The following HECW2 variants were observed in gnomAD, a reference collection of about 807,000 sequenced individuals.
The protein encoded by HECW2 is E3 ubiquitin-protein ligase HECW2.
Under a neutral mutation model 175.2 loss-of-function variants are expected in HECW2, and 61 were observed. The observed-to-expected ratio is 0.35, with a 90% CI of 0.28 to 0.43. The LOEUF is 0.43. Among genes scored for constraint, HECW2 ranks in the 20% least tolerant of loss-of-function variants. The probability of loss-of-function intolerance (pLI) is 1.00; values close to 1 mark genes in which losing one functional copy is unlikely to be tolerated. For missense variants in HECW2, 1,524 were observed against 2,000.5 expected (o/e 0.76, Z 4.54); for synonymous variants, 671 against 731.0 (o/e 0.92, Z 1.32).
At chr2:196,529,259 TA>T (rs1688765962) in intron 1 of HECW2, among the ~76,000 whole-genome samples, 1 of 152,240 alleles carries the variant, frequency 6.6e-6, no homozygotes, top group Non-Finnish European at 1.5e-5. Context: ...GGGAATATGG[TA>T]ACATATTTCA....
chr2:196,399,223 A>T (rs940418169), intron 2 of HECW2, among the ~76,000 whole-genome samples: 13 of 151,458 alleles, frequency 8.6e-5, no homozygotes, highest in Non-Finnish European at 1.5e-5. Flanking sequence ...TTGGAGGCTA[A>T]TTTTTTCCCC....
At chr2:196,263,195 A>T (rs1341553202) in intron 17 of HECW2, 1 of 152,228 alleles carries the variant, frequency 6.6e-6, no homozygotes, top group Non-Finnish European at 1.5e-5. Context: ...CTATACAGCG[A>T]CAAACTCAGG....
chr2:196,233,712 G>C (rs551893017), intron 21 of HECW2, among the ~76,000 whole-genome samples: 19 of 152,288 alleles, frequency 1.2e-4, no homozygotes, highest in African/African-American at 4.6e-4. Context: ...TCTTTAGAAA[G>C]GTTTGGGTAA....
chr2:196,222,434 AAT>A, intron 23 of HECW2, 94 bp from the exon 24 acceptor site: 1 of 1,198,086 alleles, frequency 8.3e-7, no homozygotes, highest in Admixed American at 2.2e-5. Flanking sequence ...TAAAGAGAAG[AAT>A]AAGAGCCACT....
At chr2:196,420,671 T>C (rs1471423927) in intron 2 of HECW2, among the ~76,000 whole-genome samples, 1 of 152,222 alleles carries the variant, frequency 6.6e-6, no homozygotes, top group East Asian at 1.9e-4. Flanking sequence ...ATGCAACATT[T>C]TTTGTATGTA....
At position 196,355,664 on chromosome 2, in the gene HECW2, A is replaced by T. The variant is rs529163966; in HGVS notation, c.293-11900T>A. Among the ~76,000 whole-genome samples, 4 of 152,334 alleles carry T rather than the reference A, an allele frequency of 2.6e-5. No individual in the cohort carries two copies. In the South Asian group the frequency reaches 8.3e-4, roughly 32 times the overall value. On this transcript the variant is annotated intron_variant, in intron 2 of 28. Coordinates refer to ENST00000644978, the MANE Select transcript of HECW2 (RefSeq NM_001348768.2). ...AAATGAAATTTACAAAAATTCATTCAACAAATATTTATTGAGCATCTACTA... is the reference window on the plus strand; with the variant it reads ...AAATGAAATTTACAAAAATTCATTCTACAAATATTTATTGAGCATCTACTA...
chr2:196,353,217 G>C (rs186579681), intron 2 of HECW2, among the ~76,000 whole-genome samples: 1 of 152,034 alleles, frequency 6.6e-6, no homozygotes, highest in South Asian at 2.1e-4. Context: ...AACTTTCCCC[G>C]AGATACTGTT....
At position 196,242,209 on chromosome 2, in the gene HECW2, A is replaced by G. The variant is rs1184155533; in HGVS notation, c.3530-5T>C. 2 of 1,614,158 alleles carry G rather than the reference A, an allele frequency of 1.2e-6. No homozygotes were observed. The highest frequency in any genetic ancestry group is 1.7e-6 in the Non-Finnish European group (2 of 1,180,012). On this transcript the variant is annotated splice_region_variant and splice_polypyrimidine_tract_variant and intron_variant, in intron 19 of 28. Transcript: ENST00000644978. ...GGGCATTGGCACGCTGGGTACCTGCAGCAAACCACAAAGAGAGGACAATCT... is the reference window on the plus strand; with the variant it reads ...GGGCATTGGCACGCTGGGTACCTGCGGCAAACCACAAAGAGAGGACAATCT...
At chr2:196,306,203 G>A (rs111977324) in intron 13 of HECW2, among the ~76,000 whole-genome samples, 1 of 152,170 alleles carries the variant, frequency 6.6e-6, no homozygotes, top group Non-Finnish European at 1.5e-5. Flanking sequence ...CACCATATCT[G>A]CCAGTGCCTC....
intron 2 of HECW2, among the ~76,000 whole-genome samples, chr2:196,426,645 A>T (rs1392583429): frequency 1.3e-5 from 2 of 152,126 alleles, no homozygotes; most frequent in Non-Finnish European, 2.9e-5. Context: ...AAAATCAAGA[A>T]GGTGGTGAGC....
intron 2 of HECW2, among the ~76,000 whole-genome samples, chr2:196,419,504 C>T (rs897738500): frequency 2.8e-4 from 43 of 152,350 alleles, no homozygotes; most frequent in African/African-American, 9.9e-4. Context: ...TTTCTATACC[C>T]TTCCCATCTC....
chr2:196,342,513 C>T (rs1164583612), intron 3 of HECW2, among the ~76,000 whole-genome samples: 1 of 141,724 alleles, frequency 7.1e-6, no homozygotes, highest in Non-Finnish European at 1.5e-5. Context: ...ATATATTCCA[C>T]AAAAATGTAC....
intron 1 of HECW2, among the ~76,000 whole-genome samples, chr2:196,453,004 T>A (rs983905391): frequency 6.6e-6 from 1 of 152,192 alleles, no homozygotes. Flanking sequence ...AAATTTTTTT[T>A]AAAGCTTATT....
chr2:196,502,271 TTTTA>T lies in HECW2; in HGVS notation c.-35-68817_-35-68814del, dbSNP rs573928785. On this transcript the variant is annotated intron_variant, in intron 1 of 28. Transcript: ENST00000644978. ...TTTGGTGTTCCAGACTTTTCTTTGT[TTTTA>T]TTTGTTTGTTCCAACCTAATTGAAC... is the stretch of plus-strand genomic sequence containing the variant. Among the ~76,000 whole-genome samples, 1,342 of 152,370 alleles carry T rather than the reference TTTTA, an allele frequency of 8.8e-3. 18 individuals are homozygous for T. The highest frequency in any genetic ancestry group is 0.016 in the Non-Finnish European group (1,061 of 68,038).
chr2:196,414,717 C>T (rs577372470), intron 2 of HECW2, among the ~76,000 whole-genome samples: 1 of 152,158 alleles, frequency 6.6e-6, no homozygotes, highest in Non-Finnish European at 1.5e-5. Flanking sequence ...TCCTTTCCAG[C>T]AGGAGTAACA....
At chr2:196,257,771 A>G in intron 18 of HECW2, 52 bp downstream of exon 18, 2 of 1,232,382 alleles carry the variant, frequency 1.6e-6, no homozygotes, top group East Asian at 2.3e-5. Context: ...ATGTTCCATG[A>G]TATCTGATGA....
chr2:196,195,932 A>C lies in HECW2; in HGVS notation c.*5345T>G, dbSNP rs1220907366. On this transcript the variant is annotated 3_prime_UTR_variant, in exon 29 of 29. Transcript: ENST00000644978. ...AGGGTATTTCCCATCTAGTAGATCAAACTGTGCCTTCATCAGGGAGCATAG... is the reference window on the plus strand; with the variant it reads ...AGGGTATTTCCCATCTAGTAGATCACACTGTGCCTTCATCAGGGAGCATAG... The C allele has an allele frequency of 6.6e-6, 1 of 152,206 alleles. No individual in the cohort carries two copies. The highest frequency in any genetic ancestry group is 1.5e-5 in the Non-Finnish European group (1 of 68,030). The allele number at this position is 152,206 out of a possible 1,614,324, so 9.4% of individuals were successfully genotyped here. A position where few individuals can be genotyped will look rare whatever the true frequency, so the allele number is the denominator to read the frequency against.
chr2:196,495,072 CTTT>C (rs113446687), intron 1 of HECW2, among the ~76,000 whole-genome samples: 1 of 144,234 alleles, frequency 6.9e-6, no homozygotes, highest in African/African-American at 2.5e-5. Flanking sequence ...ATATATCATT[CTTT>C]TTTTTTTTTT....
intron 1 of HECW2, among the ~76,000 whole-genome samples, chr2:196,486,435 A>C (rs552781909): frequency 6.6e-6 from 1 of 152,300 alleles, no homozygotes; most frequent in East Asian, 1.9e-4. Context: ...CACGCACTAC[A>C]GATGCAACCC....
Sources: gnomAD v4.1 joint callset for allele counts (sites outside exome capture counted in the v4.1 genomes callset) on GRCh38, gnomAD v4.1.1 for gene constraint, MANE v1.5 for transcripts, NCBI Gene and HGNC (gene_info 2026-07-23, HGNC 2026-07-21) for gene names.